The following SHISA9 variants were observed in gnomAD, a reference collection of about 807,000 sequenced individuals.
The protein encoded by SHISA9 is protein shisa-9.
Under a neutral mutation model 38.0 loss-of-function variants are expected in SHISA9, and 13 were observed. The observed-to-expected ratio is 0.34, with a 90% confidence interval of 0.22 to 0.54. The LOEUF (loss-of-function observed/expected upper bound fraction) is 0.54. SHISA9 is among the 20% of genes least tolerant of loss of function. SHISA9 has a pLI of 0.91. For synonymous variants in SHISA9, 275 were observed against 242.0 expected, an observed-to-expected ratio of 1.14 and a Z score of -1.27; for missense variants, 538 against 575.8, an observed-to-expected ratio of 0.93 and a Z score of 0.67.
chr16:13,248,184 T>C, the SHISA9 span, among the ~76,000 whole-genome samples: 1 of 152,212 alleles, frequency 6.6e-6, no homozygotes, highest in Non-Finnish European at 1.5e-5. Flanking sequence ...TGATTCTTTT[T>C]CACGTGGAGT....
the SHISA9 span, among the ~76,000 whole-genome samples, chr16:13,363,942 G>A: frequency 6.6e-6 from 1 of 152,260 alleles, no homozygotes; most frequent in East Asian, 1.9e-4. Flanking sequence ...AGACCTGCTG[G>A]ATCAGAAACT....
chr16:13,518,525 G>T, the SHISA9 span, among the ~76,000 whole-genome samples: 1 of 152,108 alleles, frequency 6.6e-6, no homozygotes, highest in African/African-American at 2.4e-5. Context: ...ATCCCAGAGA[G>T]TTTGATTAAG....
At chr16:13,454,164 A>G in the SHISA9 span, among the ~76,000 whole-genome samples, 1 of 152,196 alleles carries the variant, frequency 6.6e-6, no homozygotes, top group African/African-American at 2.4e-5. Context: ...AAATTTAACC[A>G]ACCGTGCACA....
chr16:12,939,910 C>G (rs1032857344), intron 2 of SHISA9, among the ~76,000 whole-genome samples: 1 of 152,192 alleles, frequency 6.6e-6, no homozygotes, highest in Non-Finnish European at 1.5e-5. Context: ...GTGATATATT[C>G]AAATTTGACA....
At chr16:13,489,550 C>T in the SHISA9 span, among the ~76,000 whole-genome samples, 18 of 152,208 alleles carry the variant, frequency 1.2e-4, no homozygotes, top group East Asian at 7.7e-4. Context: ...GTGCAGTTCC[C>T]CCATACTGTT....
At chr16:13,538,828 G>A in the SHISA9 span, among the ~76,000 whole-genome samples, 3 of 152,232 alleles carry the variant, frequency 2.0e-5, no homozygotes, top group Admixed American at 6.5e-5. Context: ...TGCATCTTCA[G>A]TTCCAAGAAT....
chr16:12,998,374 CT>C (rs1448297444), intron 2 of SHISA9, among the ~76,000 whole-genome samples: 4 of 152,314 alleles, frequency 2.6e-5, no homozygotes, highest in African/African-American at 9.6e-5. Flanking sequence ...TGGTAAACAG[CT>C]TTTCCCGATG....
At chr16:12,929,243 G>T (rs1451738194) in intron 2 of SHISA9, among the ~76,000 whole-genome samples, 2 of 152,240 alleles carry the variant, frequency 1.3e-5, no homozygotes, top group East Asian at 1.9e-4. Flanking sequence ...AGTCCTCAAA[G>T]ATCTAGAAGC....
chr16:13,324,669 A>G, the SHISA9 span, among the ~76,000 whole-genome samples: 1 of 152,196 alleles, frequency 6.6e-6, no homozygotes. Context: ...GTAAACCAAA[A>G]AGTATCTGAG....
chr16:13,268,026 G>T, the SHISA9 span, among the ~76,000 whole-genome samples: 3 of 152,090 alleles, frequency 2.0e-5, no homozygotes, highest in Admixed American at 2.0e-4. Context: ...GAGAGATGCA[G>T]CTGGATGCAA....
At chr16:13,394,549 C>T in the SHISA9 span, among the ~76,000 whole-genome samples, 1 of 152,142 alleles carries the variant, frequency 6.6e-6, no homozygotes, top group Admixed American at 6.5e-5. Context: ...TTCCTCCATC[C>T]CTGCCCTACT....
At chr16:13,089,507 A>C (rs181937851) in intron 2 of SHISA9, among the ~76,000 whole-genome samples, 60 of 152,158 alleles carry the variant, frequency 3.9e-4, no homozygotes, top group African/African-American at 1.4e-3. Context: ...CAGAAATTCA[A>C]CTTCTTCCTA....
chr16:13,515,236 C>G, the SHISA9 span, among the ~76,000 whole-genome samples: 13 of 152,080 alleles, frequency 8.5e-5, no homozygotes, highest in African/African-American at 2.9e-4. Flanking sequence ...AAAGAACTTT[C>G]CAGACATACA....
intron 2 of SHISA9, among the ~76,000 whole-genome samples, chr16:13,063,056 G>T (rs2073394419): frequency 6.6e-6 from 1 of 152,036 alleles, no homozygotes; most frequent in South Asian, 2.1e-4. Flanking sequence ...ACCCAGGCTG[G>T]AGTGCAGTGA....
At chr16:13,240,583 T>A (rs2051427423), downstream of SHISA9, among the ~76,000 whole-genome samples, 1 of 152,206 alleles carries the variant, frequency 6.6e-6, no homozygotes, top group African/African-American at 2.4e-5. Flanking sequence ...TATACACATT[T>A]TCCAGGAGAC....
intron 2 of SHISA9, among the ~76,000 whole-genome samples, chr16:12,962,418 TC>T (rs1263551689): frequency 6.6e-6 from 1 of 152,186 alleles, no homozygotes; most frequent in Non-Finnish European, 1.5e-5. Context: ...AATGTTTGGG[TC>T]TTCCTGCAAA....
At chr16:13,536,051 T>C in the SHISA9 span, among the ~76,000 whole-genome samples, 1 of 151,260 alleles carries the variant, frequency 6.6e-6, no homozygotes, top group Non-Finnish European at 1.5e-5. Flanking sequence ...TAGGCTGGAG[T>C]TCAATGGCAC....
At chr16:13,354,923 C>T in the SHISA9 span, among the ~76,000 whole-genome samples, 1 of 151,886 alleles carries the variant, frequency 6.6e-6, no homozygotes, top group Non-Finnish European at 1.5e-5. Context: ...TGGGGGCTGT[C>T]TGTGAAGCTT....
At chr16:12,941,357 ATAATT>A (rs921848655) in intron 2 of SHISA9, among the ~76,000 whole-genome samples, 2 of 150,154 alleles carry the variant, frequency 1.3e-5, no homozygotes, top group African/African-American at 4.9e-5. Flanking sequence ...TCTAAAAAAA[ATAATT>A]TAATTGTTAT....
Sources: allele counts gnomAD v4.1 joint callset (sites outside exome capture counted in the v4.1 genomes callset), GRCh38; gene constraint gnomAD v4.1.1; transcripts MANE v1.5; gene names NCBI Gene and HGNC (gene_info 2026-07-23, HGNC 2026-07-21).